Variants in FTO observed in about 807,000 individuals in gnomAD.
FTO encodes alpha-ketoglutarate-dependent dioxygenase FTO.
FTO carries 47 observed loss-of-function variants against 63.9 expected under a neutral mutation model. The observed-to-expected ratio is 0.74, with a 90% CI of 0.58 to 0.94. FTO has a LOEUF of 0.94. Ranked by LOEUF, FTO falls within the 40% of genes least tolerant of loss-of-function variation. The pLI is 0.00. For missense variants in FTO, 562 were observed against 618.1 expected, an observed-to-expected ratio of 0.91 and a Z score of 0.96; for synonymous variants, 207 against 224.4, an observed-to-expected ratio of 0.92 and a Z score of 0.69.
At chr16:54,031,543 C>A (rs2084833003) in intron 8 of FTO, among the ~76,000 whole-genome samples, 3 of 152,084 alleles carry the variant, frequency 2.0e-5, no homozygotes, top group Admixed American at 2.0e-4. Context: ...GCTTACAGAG[C>A]TGGTGAGTCA....
At chr16:53,853,506 T>C (rs966760499) in intron 4 of FTO, among the ~76,000 whole-genome samples, 6 of 152,104 alleles carry the variant, frequency 3.9e-5, no homozygotes, top group African/African-American at 1.4e-4. Context: ...CCAGTGTCCA[T>C]TGTACCACTC....
At chr16:53,861,811 A>G (rs533266794) in intron 4 of FTO, among the ~76,000 whole-genome samples, 5 of 152,194 alleles carry the variant, frequency 3.3e-5, no homozygotes, top group Non-Finnish European at 7.3e-5. Context: ...GTAGTTTCTA[A>G]TAATATTTAT....
At chr16:53,797,467 T>G (rs1420625403) in intron 1 of FTO, among the ~76,000 whole-genome samples, 2 of 152,228 alleles carry the variant, frequency 1.3e-5, no homozygotes, top group African/African-American at 2.4e-5. Flanking sequence ...TTGAGATCCA[T>G]CATGTTGTTG....
At chr16:54,025,407 A>G (rs1412255987) in intron 8 of FTO, among the ~76,000 whole-genome samples, 1 of 152,188 alleles carries the variant, frequency 6.6e-6, no homozygotes, top group Non-Finnish European at 1.5e-5. Flanking sequence ...ACTGCCTATG[A>G]CATTTATCCT....
chr16:53,904,027 CA>C (rs2081472411), intron 7 of FTO, among the ~76,000 whole-genome samples: 1 of 151,196 alleles, frequency 6.6e-6, no homozygotes, highest in South Asian at 2.1e-4. Context: ...TAAACATAGA[CA>C]ATATACATAT....
At position 53,707,862 on chromosome 16, in the gene FTO, T is replaced by A. The variant is rs149323111; in HGVS notation, c.45+3633T>A. ...TTCCATTCCAGAAGAAACTTTGTAT[T>A]CATTTGCAGTTATTTCTCAATTCTA... On this transcript the variant is annotated intron_variant, in intron 1 of 8. Transcript: ENST00000471389. 2.0e-3 allele frequency among the ~76,000 whole-genome samples: 298 copies of A among 152,322 alleles called. 2 individuals are homozygous for A. The highest frequency in any genetic ancestry group is 6.8e-3 in the African/African-American group (282 of 41,554).
chr16:53,993,202 T>C (rs187679180), intron 8 of FTO: 12 of 152,382 alleles, frequency 7.9e-5, no homozygotes, highest in Non-Finnish European at 1.3e-4. Flanking sequence ...ATAGAAAGAT[T>C]GTGTCTGTAT....
intron 3 of FTO, among the ~76,000 whole-genome samples, chr16:53,835,767 A>G (rs2079271734): frequency 6.6e-6 from 1 of 151,878 alleles, no homozygotes; most frequent in African/African-American, 2.4e-5. Flanking sequence ...TGGAATCCAT[A>G]TGATTTAGTT....
intron 1 of FTO, among the ~76,000 whole-genome samples, chr16:53,740,283 T>G (rs1314260910): frequency 6.6e-6 from 1 of 151,972 alleles, no homozygotes; most frequent in Non-Finnish European, 1.5e-5. Flanking sequence ...GTAGAGTGTA[T>G]TTTTTTTAAA....
chr16:53,714,682 A>T (rs1317061169), intron 1 of FTO, among the ~76,000 whole-genome samples: 1 of 152,180 alleles, frequency 6.6e-6, no homozygotes, highest in Admixed American at 6.5e-5. Context: ...GCTGCGAGCC[A>T]TTTTTGTTTT....
In FTO at chr16:53,883,740, C is replaced by T. The variant is rs536199980; in HGVS notation, c.1119+3753C>T. ...AGATGTACTGTATCAGAAACCTCGG[C>T]CCCCTGGGGTTGAATAGAGAGATTG... On this transcript the variant is annotated intron_variant, in intron 6 of 8. Transcript: ENST00000471389. Among the ~76,000 whole-genome samples, 14 of 151,596 alleles carry T rather than the reference C, an allele frequency of 9.2e-5. No individual in the cohort carries two copies. The South Asian group carries it at 2.7e-3, about 29-fold the overall frequency.
chr16:53,843,930 G>A (rs1292801562), intron 3 of FTO, among the ~76,000 whole-genome samples: 1 of 151,676 alleles, frequency 6.6e-6, no homozygotes, highest in African/African-American at 2.4e-5. Flanking sequence ...GATTATAGGC[G>A]TGAGCCTCTA....
At chr16:53,856,107 G>A (rs1039012808) in intron 4 of FTO, among the ~76,000 whole-genome samples, 1 of 151,330 alleles carries the variant, frequency 6.6e-6, no homozygotes, top group Non-Finnish European at 1.5e-5. Flanking sequence ...TTTTTTTTTA[G>A]GCCTTTATGT....
At chr16:54,008,777 G>T (rs544961757) in intron 8 of FTO, among the ~76,000 whole-genome samples, 2 of 150,124 alleles carry the variant, frequency 1.3e-5, no homozygotes, top group African/African-American at 4.9e-5. Flanking sequence ...AGACCAGTCT[G>T]GGTAACCAAG....
intron 8 of FTO, chr16:54,008,577 C>G (rs1373621931): frequency 1.3e-5 from 2 of 151,828 alleles, no homozygotes; most frequent in Non-Finnish European, 2.9e-5. Flanking sequence ...AATACCTTCC[C>G]CCTGCATTCC....
chr16:53,951,241 C>G (rs895023281), intron 8 of FTO, among the ~76,000 whole-genome samples: 5 of 152,162 alleles, frequency 3.3e-5, no homozygotes, highest in Non-Finnish European at 7.3e-5. Flanking sequence ...AAGCTACCCC[C>G]CAACACAATG....
intron 1 of FTO, among the ~76,000 whole-genome samples, chr16:53,709,399 C>T (rs542528354): frequency 3.6e-4 from 55 of 152,290 alleles, no homozygotes; most frequent in Non-Finnish European, 5.6e-4. Context: ...AGAACCATGG[C>T]GTCTACTATT....
intron 1 of FTO, among the ~76,000 whole-genome samples, chr16:53,727,882 T>C (rs939471060): frequency 2.0e-5 from 3 of 152,208 alleles, no homozygotes; most frequent in Non-Finnish European, 4.4e-5. Flanking sequence ...AGTCACTCAG[T>C]AGGCATTCCC....
At chr16:53,932,934 A>T (rs1165794931) in intron 7 of FTO, among the ~76,000 whole-genome samples, 1 of 152,194 alleles carries the variant, frequency 6.6e-6, no homozygotes, top group East Asian at 1.9e-4. Flanking sequence ...CATCCTTCAT[A>T]GGGGAAGATA....
Sources: gnomAD v4.1 joint callset for allele counts (sites outside exome capture counted in the v4.1 genomes callset) on GRCh38, gnomAD v4.1.1 for gene constraint, MANE v1.5 for transcripts, NCBI Gene and HGNC (gene_info 2026-07-23, HGNC 2026-07-21) for gene names.